The following SPATA13 variants were observed in gnomAD, a reference collection of about 807,000 sequenced individuals.
SPATA13 encodes spermatogenesis-associated protein 13.
SPATA13 carries 50 observed loss-of-function variants against 104.0 expected under a neutral mutation model. That is an observed-to-expected ratio of 0.48 (90% confidence interval 0.38 to 0.61). The LOEUF (loss-of-function observed/expected upper bound fraction) is 0.61, where lower values mean the gene tolerates loss of function less well. Among genes scored for constraint, SPATA13 ranks in the 20% least tolerant of loss-of-function variants. The pLI is 0.00. For synonymous variants in SPATA13, 606 were observed against 667.5 expected, an observed-to-expected ratio of 0.91 and a Z score of 1.42; for missense variants, 1,524 against 1,690.6, an observed-to-expected ratio of 0.90 and a Z score of 1.73.
intron 10 of SPATA13, among the ~76,000 whole-genome samples, chr13:24,295,720 C>A (rs967568954): frequency 1.3e-5 from 2 of 151,796 alleles, no homozygotes; most frequent in Admixed American, 6.6e-5. Flanking sequence ...AAAACAGTGA[C>A]AATAGCACCT....
At chr13:24,210,183 CCTTTA>C (rs1870934639) in intron 1 of SPATA13, among the ~76,000 whole-genome samples, 5 of 152,040 alleles carry the variant, frequency 3.3e-5, no homozygotes, top group Non-Finnish European at 7.4e-5. Flanking sequence ...GGGTATTAGT[CCTTTA>C]CTTGTTATAT....
chr13:24,024,093 G>T (rs1877097214), intron 3 of SPATA13, among the ~76,000 whole-genome samples: 1 of 152,204 alleles, frequency 6.6e-6, no homozygotes, highest in Non-Finnish European at 1.5e-5. Context: ...TCTGAGTCAT[G>T]TGCTGCGGAG....
chr13:24,051,808 ATGT>A lies in SPATA13; in HGVS notation c.-112+34109_-112+34111del, dbSNP rs1482984007. 1.3e-5 allele frequency among the ~76,000 whole-genome samples: 2 copies of A among 152,148 alleles called. No homozygotes were observed. Among genetic ancestry groups the A allele is most frequent in the Non-Finnish European group, 2.9e-5 (2 of 68,018 alleles). ...AGGCTGCAAGAGCCTGCTAAGAGTTATGTTCTCCAGGGCAGGGCAGAGGGAGAT... is the reference window on the plus strand; with the variant it reads ...AGGCTGCAAGAGCCTGCTAAGAGTTATCTCCAGGGCAGGGCAGAGGGAGAT... On this transcript the variant is annotated intron_variant, in intron 3 of 14. Coordinates refer to the SPATA13 transcript ENST00000424834. This position sits in a 1 kb window ranked among gnomAD's most constrained non-coding sequence, Gnocchi z 4.2.
At chr13:24,116,679 C>A (rs1880849912) in intron 3 of SPATA13, among the ~76,000 whole-genome samples, 1 of 152,100 alleles carries the variant, frequency 6.6e-6, no homozygotes, top group East Asian at 1.9e-4. Flanking sequence ...GGATTTCAAC[C>A]TAGGTCCAAT....
At chr13:24,105,658 C>T (rs1182349815) in intron 3 of SPATA13, among the ~76,000 whole-genome samples, 1 of 152,122 alleles carries the variant, frequency 6.6e-6, no homozygotes, top group African/African-American at 2.4e-5. Context: ...AAATGGAAAG[C>T]ACATAAAAGC....
rs551202150 is a variant in SPATA13 at position 24,174,654 on chromosome 13, G to A, written c.-112+13722G>A. ...TATAGTGGCGCAATCTTGGCTCACT[G>A]CAACCTCCGCCTCCCAGGTTCAAGC... On this transcript the variant is annotated intron_variant, in intron 1 of 12. Transcript: ENST00000382108. Among the ~76,000 whole-genome samples the A allele has an allele frequency of 3.3e-5, 5 of 152,218 alleles. 1 individual carries two copies. The East Asian group carries it at 9.6e-4, about 29-fold the overall frequency.
chr13:24,200,948 T>A (rs7318898), intron 1 of SPATA13, among the ~76,000 whole-genome samples: 3,591 of 148,544 alleles, frequency 0.024, 135 homozygotes, highest in African/African-American at 0.078. Context: ...ACGTCCTTGT[T>A]CTTTTTTTTC....
chr13:24,073,708 G>A (rs1162987537), intron 3 of SPATA13, among the ~76,000 whole-genome samples: 1 of 152,228 alleles, frequency 6.6e-6, no homozygotes, highest in Non-Finnish European at 1.5e-5. Context: ...TTGGCCTTGA[G>A]CCTAGTTCTC....
intron 2 of SPATA13, among the ~76,000 whole-genome samples, chr13:24,231,920 T>C (rs11617302): frequency 0.28 from 41,915 of 152,186 alleles, 6,047 homozygotes; most frequent in Non-Finnish European, 0.32. Context: ...GAAGTGCCGA[T>C]TCAGATCTTT....
chr13:24,263,689 T>C (rs937388783), intron 4 of SPATA13, among the ~76,000 whole-genome samples: 1 of 152,242 alleles, frequency 6.6e-6, no homozygotes, highest in Non-Finnish European at 1.5e-5. Flanking sequence ...AAAAAGTCTG[T>C]ACATATTCAG....
chr13:24,247,508 C>G (rs1873212437), intron 2 of SPATA13, among the ~76,000 whole-genome samples: 1 of 47,878 alleles, frequency 2.1e-5, no homozygotes, highest in South Asian at 8.0e-4. Context: ...GAGACAGAGT[C>G]TCCTTCTGTC....
intron 2 of SPATA13, among the ~76,000 whole-genome samples, chr13:24,009,826 G>A (rs936884801): frequency 6.6e-6 from 1 of 152,184 alleles, no homozygotes; most frequent in African/African-American, 2.4e-5. Flanking sequence ...TTCCAAAAAG[G>A]AGGAGGGTAT....
chr13:24,169,911 C>T (rs1033436363), intron 1 of SPATA13, among the ~76,000 whole-genome samples: 1 of 152,194 alleles, frequency 6.6e-6, no homozygotes, highest in African/African-American at 2.4e-5. Flanking sequence ...CCATGAACAC[C>T]TGCCTTCTGA....
At chr13:23,980,962 A>C (rs1452123529) in intron 1 of SPATA13, among the ~76,000 whole-genome samples, 1 of 152,178 alleles carries the variant, frequency 6.6e-6, no homozygotes, top group Admixed American at 6.5e-5. Context: ...GGAGTTCCTT[A>C]ATTATCATTT....
In SPATA13 at chr13:24,173,362, TTGTGTGTGTG is replaced by T. The variant is rs60850610; in HGVS notation, c.-112+12461_-112+12470del. Among the ~76,000 whole-genome samples, 971 of 146,708 alleles carry T rather than the reference TTGTGTGTGTG, an allele frequency of 6.6e-3. 8 individuals carry two copies. The highest frequency in any genetic ancestry group is 0.037 in the East Asian group (186 of 4,976). ...GTGGAACTCACTCATTAGTTCTTAG[TTGTGTGTGTG>T]TGTGTGTGTGTGTGTGTGTGTGTGT... On this transcript the variant is annotated intron_variant, in intron 1 of 12. Transcript: ENST00000382108.
At chr13:24,130,650 G>T (rs1355087017) in intron 3 of SPATA13, among the ~76,000 whole-genome samples, 1 of 152,198 alleles carries the variant, frequency 6.6e-6, no homozygotes, top group Non-Finnish European at 1.5e-5. Context: ...TAAGTGAAGT[G>T]AATAGTTCTT....
chr13:24,027,222 C>T (rs1877267340), intron 3 of SPATA13, among the ~76,000 whole-genome samples: 1 of 150,514 alleles, frequency 6.6e-6, no homozygotes, highest in South Asian at 2.1e-4. Flanking sequence ...GCAACCTCCA[C>T]CTCCCAGGTT....
rs569472394 is a variant in SPATA13 at position 24,207,495 on chromosome 13, A to G, written c.-111-15324A>G. ...TAGTTCTGTGTTTGAGTTTTTGGGG[A>G]ACCACCATAATGTTTTCCACAGTGG... On this transcript the variant is annotated intron_variant, in intron 1 of 12. Coordinates refer to ENST00000382108, the MANE Select transcript of SPATA13 (RefSeq NM_001166271.3). Among the ~76,000 whole-genome samples the G allele has an allele frequency of 3.3e-5, 5 of 152,258 alleles. No homozygotes were observed. The East Asian group carries it at 9.6e-4, about 29-fold the overall frequency.
At chr13:24,133,399 A>G (rs1881450485) in intron 3 of SPATA13, among the ~76,000 whole-genome samples, 1 of 152,134 alleles carries the variant, frequency 6.6e-6, no homozygotes, top group Admixed American at 6.5e-5. Flanking sequence ...TGTGTATTTA[A>G]ACGTTGTAAA....
Sources: allele counts gnomAD v4.1 joint callset (sites outside exome capture counted in the v4.1 genomes callset), GRCh38; gene constraint gnomAD v4.1.1; non-coding constraint Gnocchi (gnomAD v3.1); transcripts MANE v1.5; gene names NCBI Gene and HGNC (gene_info 2026-07-23, HGNC 2026-07-21).